The following LRIG1 variants were observed in gnomAD, a reference collection of about 807,000 sequenced individuals.
LRIG1 encodes the protein leucine-rich repeats and immunoglobulin-like domains protein 1.
A neutral mutation model predicts 99.2 loss-of-function variants in LRIG1; 48 were observed. The ratio of observed to expected loss-of-function variants is 0.48; its 90% CI spans 0.38 to 0.62. LRIG1 has a LOEUF of 0.62. Ranked by LOEUF, LRIG1 falls within the 20% of genes least tolerant of loss-of-function variation. The probability of loss-of-function intolerance (pLI) is 0.00; values close to 1 mark genes in which losing one functional copy is unlikely to be tolerated. For missense variants in LRIG1, 1,646 were observed against 1,434.4 expected (o/e 1.15, Z -2.38); for synonymous variants, 772 against 596.1 (o/e 1.29, Z -4.30).
intron 12 of LRIG1, among the ~76,000 whole-genome samples, chr3:66,389,282 A>C (rs1575650993): frequency 6.6e-6 from 1 of 152,204 alleles, no homozygotes; most frequent in Non-Finnish European, 1.5e-5. Flanking sequence ...ATATCTTTTC[A>C]ATAAAAAAAC....
chr3:66,379,809 C>G lies in LRIG1; in HGVS notation c.*454G>C, dbSNP rs1174038398. 6.1e-6 allele frequency: 1 copy of G among 163,668 alleles called. No homozygotes were observed. Among genetic ancestry groups the G allele is most frequent in the Non-Finnish European group, 1.3e-5 (1 of 74,844 alleles). 10.1% of individuals were successfully genotyped at this position (163,668 alleles called of 1,614,324 possible). The stretch of plus-strand genomic sequence containing the variant: ...ATGAAGTGCAATATAAATCCAAGGC[C>G]TTCCATCCTTCCCACCCCGCACCAA... On this transcript the variant is annotated 3_prime_UTR_variant, in exon 19 of 19. Coordinates refer to ENST00000273261, the MANE Select transcript of LRIG1 (RefSeq NM_015541.3).
intron 11 of LRIG1, 59 bp downstream of exon 11, chr3:66,398,053 T>C (rs2107980396): frequency 1.4e-6 from 2 of 1,380,066 alleles, no homozygotes; most frequent in Non-Finnish European, 2.0e-6. Context: ...ATTGCAGAAG[T>C]TTCTTACTCT....
intron 1 of LRIG1, among the ~76,000 whole-genome samples, chr3:66,470,937 C>A (rs904143719): frequency 6.6e-6 from 1 of 152,110 alleles, no homozygotes; most frequent in Non-Finnish European, 1.5e-5. Flanking sequence ...GAGGAAAGCC[C>A]ACAAATTTCC....
chr3:66,384,863 G>GT (rs1203226600), intron 13 of LRIG1, among the ~76,000 whole-genome samples: 1 of 152,194 alleles, frequency 6.6e-6, no homozygotes, highest in African/African-American at 2.4e-5. Context: ...ATCCAGCCAC[G>GT]TGTCAGGCAC....
chr3:66,449,316 G>A (rs963812464), intron 3 of LRIG1, among the ~76,000 whole-genome samples: 2 of 152,156 alleles, frequency 1.3e-5, no homozygotes, highest in Non-Finnish European at 2.9e-5. Flanking sequence ...AAGCCCCTTC[G>A]GTTTCTGTCA....
chr3:66,412,582 G>A (rs533929990), intron 6 of LRIG1, among the ~76,000 whole-genome samples: 1 of 152,360 alleles, frequency 6.6e-6, no homozygotes, highest in South Asian at 2.1e-4. Flanking sequence ...GCAAAGGGAA[G>A]GGGGCTGGGT....
At chr3:66,457,612 C>A (rs972322763) in intron 2 of LRIG1, among the ~76,000 whole-genome samples, 2 of 152,198 alleles carry the variant, frequency 1.3e-5, no homozygotes, top group African/African-American at 4.8e-5. Flanking sequence ...TTAATAACTA[C>A]AGTAACACCA....
rs189306758 is a variant in LRIG1, at chr3:66,441,607, C to T, written c.365+9952G>A. Among the ~76,000 whole-genome samples, 13 of 152,314 alleles carry T rather than the reference C, an allele frequency of 8.5e-5. 1 individual carries two copies. Among genetic ancestry groups the T allele is most frequent in the African/African-American group, 3.1e-4 (13 of 41,574 alleles). On this transcript the variant is annotated intron_variant, in intron 3 of 18. Coordinates refer to ENST00000273261, the MANE Select transcript of LRIG1 (RefSeq NM_015541.3). ...TTTTAAAGCAAGGGCATTACAGAGG[C>T]ACGCAGCACCACTTTGGGAGATGCA...
In LRIG1 at chr3:66,380,772, T is replaced by C. The variant is rs1301533827; in HGVS notation, c.2860A>G (p.Arg954Gly). ...GQAFHPQPVS[R>G]DSAQPSAPNG... ...GGCGCACTTGGCTGTGCGCTGTCTC[T>C]GGACACAGGCTGGGGGTGGAAGGCT... The change falls in exon 18 of 19, where the codon AGA becomes GGA. Residue 954 changes from arginine (R) to glycine (G), a missense_variant. Transcript: ENST00000273261. The C allele has an allele frequency of 6.2e-7, 1 of 1,614,222 alleles. No individual in the cohort carries two copies. The highest frequency in any genetic ancestry group is 1.7e-5 in the Admixed American group (1 of 60,030).
At chr3:66,422,688 G>C (rs978284592) in intron 3 of LRIG1, among the ~76,000 whole-genome samples, 1 of 152,148 alleles carries the variant, frequency 6.6e-6, no homozygotes, top group Admixed American at 6.5e-5. Flanking sequence ...CTGTTATCCA[G>C]TTCCAAAGTC....
At chr3:66,464,905 G>A (rs1305389561) in intron 1 of LRIG1, among the ~76,000 whole-genome samples, 2 of 152,146 alleles carry the variant, frequency 1.3e-5, no homozygotes, top group East Asian at 1.9e-4. Context: ...TGAGCAAAGG[G>A]TCTTCCATTC....
At chr3:66,462,576 C>T in intron 1 of LRIG1, 67 bp from the exon 2 acceptor site, 1 of 1,092,450 alleles carries the variant, frequency 9.2e-7, no homozygotes, top group South Asian at 1.3e-5. Context: ...ATTCAGAAAT[C>T]TTCTCTTCTC....
At chr3:66,417,031 G>A (rs1187495290) in intron 4 of LRIG1, 98 bp downstream of exon 4, 4 of 1,489,976 alleles carry the variant, frequency 2.7e-6, no homozygotes, top group Middle Eastern at 2.2e-4. Flanking sequence ...GAGAAGGGAA[G>A]GAAGCATCCC....
intron 2 of LRIG1, among the ~76,000 whole-genome samples, chr3:66,458,634 G>A (rs1293040857): frequency 2.6e-5 from 4 of 152,102 alleles, no homozygotes; most frequent in Non-Finnish European, 5.9e-5. Flanking sequence ...CCCAGGAGGT[G>A]GAGGCTGCAA....
intron 1 of LRIG1, among the ~76,000 whole-genome samples, chr3:66,473,312 GA>G (rs1324845661): frequency 1.3e-5 from 2 of 152,172 alleles, no homozygotes; most frequent in East Asian, 3.8e-4. Flanking sequence ...CTGCTTGTAA[GA>G]AAAACCCTTC....
At chr3:66,463,144 A>G (rs1386232148) in intron 1 of LRIG1, among the ~76,000 whole-genome samples, 2 of 152,150 alleles carry the variant, frequency 1.3e-5, no homozygotes, top group Non-Finnish European at 2.9e-5. Flanking sequence ...GCGGCCCTAA[A>G]TGTCAATCCT....
intron 14 of LRIG1, 151 bp downstream of exon 14, chr3:66,383,840 A>C: frequency 9.0e-7 from 1 of 1,116,698 alleles, no homozygotes. Flanking sequence ...TGTTTAAGAA[A>C]AATTAACTCA....
intron 3 of LRIG1, among the ~76,000 whole-genome samples, chr3:66,419,152 C>T (rs1486810951): frequency 1.3e-5 from 2 of 152,166 alleles, no homozygotes; most frequent in Non-Finnish European, 2.9e-5. Flanking sequence ...GGGCCGGGCG[C>T]CACCGGCCCA....
chr3:66,394,303 G>C (rs767243225), intron 11 of LRIG1, 100 bp from the exon 12 acceptor site: 6 of 987,962 alleles, frequency 6.1e-6, no homozygotes, highest in Non-Finnish European at 8.8e-6. Context: ...AGCTTCTCAA[G>C]TGAACATCAG....
Sources: gnomAD v4.1 joint callset for allele counts (sites outside exome capture counted in the v4.1 genomes callset) on GRCh38, gnomAD v4.1.1 for gene constraint, MANE v1.5 for transcripts, NCBI Gene and HGNC (gene_info 2026-07-23, HGNC 2026-07-21) for gene names.